Variants in STAG1 observed in about 807,000 individuals in gnomAD.
STAG1 encodes STAG1 cohesin complex component.
Under a neutral mutation model 170.9 loss-of-function variants are expected in STAG1, and 26 were observed. The ratio of observed to expected loss-of-function variants is 0.15; its 90% CI spans 0.11 to 0.21. The LOEUF (loss-of-function observed/expected upper bound fraction) is 0.21, where lower values mean the gene tolerates loss of function less well. Among genes scored for constraint, STAG1 ranks in the 10% least tolerant of loss-of-function variants. The probability of loss-of-function intolerance (pLI) is 1.00; values close to 1 mark genes in which losing one functional copy is unlikely to be tolerated. For missense variants in STAG1, 964 were observed against 1,509.5 expected (o/e 0.64, Z 5.99); for synonymous variants, 514 against 497.7 (o/e 1.03, Z -0.44).
chr3:136,515,191 C>T (rs1343258433), intron 7 of STAG1, among the ~76,000 whole-genome samples: 1 of 152,006 alleles, frequency 6.6e-6, no homozygotes, highest in Non-Finnish European at 1.5e-5. Context: ...ATGATAAAAC[C>T]CCGTCTCTCC....
chr3:136,517,834 C>T (rs1934460948), intron 7 of STAG1, among the ~76,000 whole-genome samples: 1 of 151,736 alleles, frequency 6.6e-6, no homozygotes, highest in Admixed American at 6.6e-5. Flanking sequence ...TTAATGAAAA[C>T]TACAATGTAA....
chr3:136,620,852 T>C (rs1939814119), intron 3 of STAG1, among the ~76,000 whole-genome samples: 1 of 152,198 alleles, frequency 6.6e-6, no homozygotes. Context: ...GATTATGTAG[T>C]AGTAACTTCA....
At chr3:136,619,055 A>C (rs1042434666) in intron 3 of STAG1, among the ~76,000 whole-genome samples, 7 of 152,162 alleles carry the variant, frequency 4.6e-5, no homozygotes, top group African/African-American at 1.7e-4. Context: ...AGGAGAAGAC[A>C]GAAGCAAAGA....
At chr3:136,669,853 G>A (rs1338700268) in intron 1 of STAG1, among the ~76,000 whole-genome samples, 1 of 152,122 alleles carries the variant, frequency 6.6e-6, no homozygotes, top group Non-Finnish European at 1.5e-5. Context: ...TATTTACAAG[G>A]TATAACATTT....
chr3:136,337,117 C>T lies in STAG1; in HGVS notation c.*1137G>A, dbSNP rs1282523724. ...ATGCACATTTAACACTGAAATGTAG[C>T]TGTAATTCAAGGTAAGCTTAGGAAC... On this transcript the variant is annotated 3_prime_UTR_variant, in exon 34 of 34. Coordinates refer to ENST00000383202, the MANE Select transcript of STAG1 (RefSeq NM_005862.3). 6.6e-6 allele frequency: 1 copy of T among 152,632 alleles called. No individual in the cohort carries two copies. The highest frequency in any genetic ancestry group is 1.5e-5 in the Non-Finnish European group (1 of 68,034). 9.5% of individuals were successfully genotyped at this position (152,632 alleles called of 1,614,324 possible). A position where few individuals can be genotyped will look rare whatever the true frequency, so the allele number is the denominator to read the frequency against.
At chr3:136,667,909 C>T (rs1004119083) in intron 1 of STAG1, among the ~76,000 whole-genome samples, 6 of 151,882 alleles carry the variant, frequency 4.0e-5, no homozygotes, top group Admixed American at 6.6e-5. Flanking sequence ...TAGACCTGGC[C>T]GGGCATGGTG....
intron 1 of STAG1, among the ~76,000 whole-genome samples, chr3:136,751,956 C>G (rs1052077943): frequency 4.8e-4 from 72 of 150,940 alleles, no homozygotes; most frequent in African/African-American, 1.6e-3. Flanking sequence ...GGGGTGCCCA[C>G]CGCGCCCACA....
intron 26 of STAG1, among the ~76,000 whole-genome samples, chr3:136,360,123 C>G (rs1392601700): frequency 6.6e-6 from 1 of 152,144 alleles, no homozygotes; most frequent in Non-Finnish European, 1.5e-5. Context: ...AAACAGAACC[C>G]TGGAGGTAAT....
At chr3:136,360,352 G>C (rs1379593662) in intron 26 of STAG1, among the ~76,000 whole-genome samples, 1 of 151,964 alleles carries the variant, frequency 6.6e-6, no homozygotes, top group East Asian at 1.9e-4. Flanking sequence ...TATTCCTTCT[G>C]TACTAGATGT....
intron 1 of STAG1, among the ~76,000 whole-genome samples, chr3:136,716,002 G>A (rs1014213834): frequency 6.6e-6 from 1 of 152,164 alleles, no homozygotes; most frequent in African/African-American, 2.4e-5. Flanking sequence ...GCAGGCTGAA[G>A]CAAGAGAATT....
At chr3:136,637,442 T>C (rs574831383) in intron 1 of STAG1, among the ~76,000 whole-genome samples, 5 of 152,316 alleles carry the variant, frequency 3.3e-5, no homozygotes, top group African/African-American at 1.2e-4. Context: ...ATGTGCTCAA[T>C]GGGATAGCGA....
intron 1 of STAG1, among the ~76,000 whole-genome samples, chr3:136,670,368 T>C (rs376300463): frequency 1.3e-5 from 2 of 152,222 alleles, no homozygotes; most frequent in Non-Finnish European, 2.9e-5. Context: ...GTAGAACTCA[T>C]GCATTTCCAA....
At chr3:136,517,671 TA>T (rs1026049399) in intron 7 of STAG1, among the ~76,000 whole-genome samples, 36 of 151,688 alleles carry the variant, frequency 2.4e-4, no homozygotes, top group Admixed American at 2.0e-3. Flanking sequence ...AATTTGAAAA[TA>T]AAAAAGTTCC....
chr3:136,416,304 C>A (rs982725211), intron 21 of STAG1, among the ~76,000 whole-genome samples: 6 of 152,208 alleles, frequency 3.9e-5, no homozygotes, highest in African/African-American at 9.6e-5. Context: ...CCGCGCCCAG[C>A]CCCTAAAGCC....
At chr3:136,633,263 A>AG (rs1477243363) in intron 1 of STAG1, among the ~76,000 whole-genome samples, 1 of 151,998 alleles carries the variant, frequency 6.6e-6, no homozygotes, top group South Asian at 2.1e-4. Context: ...AAAAGGCAGT[A>AG]GGATGACATA....
intron 3 of STAG1, among the ~76,000 whole-genome samples, chr3:136,619,586 G>A (rs1215764200): frequency 6.6e-6 from 1 of 151,602 alleles, no homozygotes; most frequent in Non-Finnish European, 1.5e-5. Context: ...GTGAAACCCT[G>A]TCTCTACTAA....
At chr3:136,348,877 T>C (rs1294284829) in intron 29 of STAG1, 1 of 412,478 alleles carries the variant, frequency 2.4e-6, no homozygotes, top group Non-Finnish European at 4.4e-6. Context: ...TTTAATGTAT[T>C]AGAGGCATAT....
intron 9 of STAG1, among the ~76,000 whole-genome samples, chr3:136,486,545 T>A (rs1415101311): frequency 6.6e-6 from 1 of 152,200 alleles, no homozygotes; most frequent in East Asian, 1.9e-4. Context: ...TCCATTACAT[T>A]TTTCCTCTGC....
intron 3 of STAG1, among the ~76,000 whole-genome samples, chr3:136,614,102 G>C (rs1181014962): frequency 6.6e-6 from 1 of 152,166 alleles, no homozygotes; most frequent in Non-Finnish European, 1.5e-5. Flanking sequence ...TGTAGTCCTA[G>C]TTACTCAGGA....
Sources: gnomAD v4.1 joint callset for allele counts (sites outside exome capture counted in the v4.1 genomes callset) on GRCh38, gnomAD v4.1.1 for gene constraint, MANE v1.5 for transcripts, NCBI Gene and HGNC (gene_info 2026-07-23, HGNC 2026-07-21) for gene names.